Variants in NRXN3 observed in about 807,000 individuals in gnomAD.
NRXN3 encodes neurexin III.
In NRXN3, 32 loss-of-function variants were observed where a neutral mutation model predicts 137.6. That is an observed-to-expected ratio of 0.23 (90% CI 0.18 to 0.31). The LOEUF is 0.31. Among genes scored for constraint, NRXN3 ranks in the 10% least tolerant of loss-of-function variants. The pLI is 1.00. For missense variants in NRXN3, 1,574 were observed against 2,062.5 expected, an observed-to-expected ratio of 0.76 and a Z score of 4.59; for synonymous variants, 798 against 784.5, an observed-to-expected ratio of 1.02 and a Z score of -0.29.
chr14:79,768,552 C>A (rs573159451), intron 19 of NRXN3, among the ~76,000 whole-genome samples: 1,679 of 152,020 alleles, frequency 0.011, 32 homozygotes, highest in African/African-American at 0.038. Context: ...ACGGACCTGC[C>A]GCTGAGGGTC....
At chr14:79,409,643 A>ATATATC (rs1191764607) in intron 15 of NRXN3, among the ~76,000 whole-genome samples, 9 of 141,286 alleles carry the variant, frequency 6.4e-5, no homozygotes, top group Middle Eastern at 3.7e-3. Flanking sequence ...ATATATATAT[A>ATATATC]TCCTCAAAAT....
intron 8 of NRXN3, among the ~76,000 whole-genome samples, chr14:78,783,459 AC>A (rs2098777217): frequency 6.6e-6 from 1 of 152,186 alleles, no homozygotes; most frequent in Non-Finnish European, 1.5e-5. Flanking sequence ...GGATCCTAGA[AC>A]AGAAAGGAAG....
chr14:78,730,315 G>T (rs1213643813), intron 8 of NRXN3, among the ~76,000 whole-genome samples: 2 of 152,064 alleles, frequency 1.3e-5, no homozygotes, highest in Non-Finnish European at 2.9e-5. Flanking sequence ...ATACCCTTTT[G>T]TTCCCCCTCA....
At chr14:78,821,722 G>T (rs74445609) in intron 10 of NRXN3, among the ~76,000 whole-genome samples, 1 of 152,078 alleles carries the variant, frequency 6.6e-6, no homozygotes, top group African/African-American at 2.4e-5. Context: ...CAGCCACTGG[G>T]CCGGTTATCT....
intron 15 of NRXN3, among the ~76,000 whole-genome samples, chr14:79,052,598 G>A (rs905024569): frequency 7.9e-5 from 12 of 152,196 alleles, no homozygotes; most frequent in African/African-American, 2.9e-4. Context: ...CCTGCAGGGA[G>A]CTTTCTCACT....
intron 15 of NRXN3, among the ~76,000 whole-genome samples, chr14:79,198,445 A>G (rs2065438679): frequency 6.6e-6 from 1 of 152,174 alleles, no homozygotes; most frequent in African/African-American, 2.4e-5. Context: ...TACCACTAGG[A>G]GAATTTCATT....
chr14:78,847,408 G>T (rs1008809673), intron 10 of NRXN3, among the ~76,000 whole-genome samples: 5 of 152,036 alleles, frequency 3.3e-5, no homozygotes, highest in African/African-American at 1.2e-4. Context: ...CCTTTCCCCA[G>T]CACTTAAGAG....
rs992263344 is a variant in NRXN3, at chr14:78,603,495, G to A, written c.758-41625G>A. ...ATTTTACATATAATTTAGAAAGAGAGAGGACTTATCGGTGGGTGGTAGGAA... is the reference window on the plus strand; with the variant it reads ...ATTTTACATATAATTTAGAAAGAGAAAGGACTTATCGGTGGGTGGTAGGAA... On this transcript the variant is annotated intron_variant, in intron 4 of 20. Transcript: ENST00000335750. Among the ~76,000 whole-genome samples the A allele has an allele frequency of 2.6e-5, 4 of 152,342 alleles. No homozygotes were observed. The South Asian group carries it at 6.2e-4, about 24-fold the overall frequency.
chr14:79,843,649 A>G (rs1031094074), intron 20 of NRXN3, among the ~76,000 whole-genome samples: 25 of 152,156 alleles, frequency 1.6e-4, no homozygotes, highest in Non-Finnish European at 3.1e-4. Flanking sequence ...ATATTTAAAT[A>G]TTTTGTCATT....
chr14:78,332,598 G>A (rs960481163), intron 4 of NRXN3, among the ~76,000 whole-genome samples: 1 of 152,172 alleles, frequency 6.6e-6, no homozygotes, highest in African/African-American at 2.4e-5. Flanking sequence ...ACAGGAGTGA[G>A]CCGCTGCACC....
intron 15 of NRXN3, among the ~76,000 whole-genome samples, chr14:79,340,297 C>T (rs1229657838): frequency 6.6e-6 from 1 of 151,908 alleles, no homozygotes; most frequent in East Asian, 1.9e-4. Context: ...TAAAATATGA[C>T]ATAGGCTTTC....
intron 20 of NRXN3, among the ~76,000 whole-genome samples, chr14:79,819,468 C>T (rs1217600858): frequency 7.9e-6 from 1 of 126,390 alleles, no homozygotes; most frequent in African/African-American, 3.1e-5. Context: ...TAGGATACAA[C>T]AGGACATTAA....
chr14:79,265,284 A>T (rs895256052), intron 15 of NRXN3, among the ~76,000 whole-genome samples: 1 of 142,930 alleles, frequency 7.0e-6, no homozygotes, highest in African/African-American at 2.6e-5. Flanking sequence ...TTTAACTATA[A>T]TGGAGGATCA....
chr14:79,676,489 C>A (rs1199526305), intron 17 of NRXN3, among the ~76,000 whole-genome samples: 2 of 151,370 alleles, frequency 1.3e-5, no homozygotes, highest in Non-Finnish European at 2.9e-5. Flanking sequence ...ATGAATAAGT[C>A]TAGAGATCTA....
intron 4 of NRXN3, among the ~76,000 whole-genome samples, chr14:78,493,867 A>G (rs956334575): frequency 4.6e-5 from 7 of 152,220 alleles, no homozygotes; most frequent in Admixed American, 3.3e-4. Context: ...CTTAAGGTCC[A>G]GATTTTTTTG....
chr14:78,938,848 C>CTTTTTTTTTTTTTTCTTTTTTCT (rs2099347154), intron 10 of NRXN3, among the ~76,000 whole-genome samples: 1 of 132,038 alleles, frequency 7.6e-6, no homozygotes, highest in African/African-American at 2.8e-5. Context: ...AGTGATTTTT[C>CTTTTTTTTTTTTTTCTTTTTTCT]TTTTTTTTTT....
chr14:79,129,498 T>C (rs2152954691), intron 15 of NRXN3, among the ~76,000 whole-genome samples: 1 of 147,350 alleles, frequency 6.8e-6, no homozygotes, highest in Admixed American at 6.7e-5. Context: ...TTGAGTGAGA[T>C]TCTTAATCCT....
chr14:79,638,508 T>A (rs541404213), intron 16 of NRXN3, among the ~76,000 whole-genome samples: 1 of 152,360 alleles, frequency 6.6e-6, no homozygotes, highest in East Asian at 1.9e-4. Context: ...TCTTTCTGTT[T>A]GATAACACCG....
chr14:79,518,498 C>G (rs1162864388), intron 16 of NRXN3, among the ~76,000 whole-genome samples: 1 of 151,900 alleles, frequency 6.6e-6, no homozygotes, highest in East Asian at 1.9e-4. Context: ...TCTGTTATTA[C>G]TTCTACTAAT....
Sources: gnomAD v4.1 joint callset for allele counts (sites outside exome capture counted in the v4.1 genomes callset) on GRCh38, gnomAD v4.1.1 for gene constraint, MANE v1.5 for transcripts, NCBI Gene and HGNC (gene_info 2026-07-23, HGNC 2026-07-21) for gene names.